The following LFNG variants were observed in gnomAD, a reference collection of about 807,000 sequenced individuals.
The protein encoded by LFNG is LFNG O-fucosylpeptide 3-beta-N-acetylglucosaminyltransferase, also known as beta-1,3-N-acetylglucosaminyltransferase lunatic fringe.
LFNG carries 15 observed loss-of-function variants against 32.7 expected under a neutral mutation model. That is an observed-to-expected ratio of 0.46 (90% CI 0.31 to 0.71). LFNG has a LOEUF of 0.71. LFNG is among the 30% of genes least tolerant of loss of function. The pLI is 0.06. For synonymous variants in LFNG, 274 were observed against 246.8 expected (o/e 1.11, Z -1.03); for missense variants, 520 against 545.7 (o/e 0.95, Z 0.47).
chr7:2,528,221 C>T lies in LFNG; in HGVS notation c.*1009C>T. 1 of 985,956 alleles carries T rather than the reference C, an allele frequency of 1.0e-6. No individual in the cohort carries two copies. Among genetic ancestry groups the T allele is most frequent in the Non-Finnish European group, 1.2e-6 (1 of 829,992 alleles). The allele number at this position is 985,956 out of a possible 1,614,324, so 61.1% of individuals were successfully genotyped here. A position where few individuals can be genotyped will look rare whatever the true frequency, so the allele number is the denominator to read the frequency against. ...TTATGCGTTCCAGCATCTGGAACCT[C>T]CCATCCCTGCCCTCCTCCTGTGTAG... On this transcript the variant is annotated 3_prime_UTR_variant, in exon 8 of 8. Coordinates refer to ENST00000222725, the MANE Select transcript of LFNG (RefSeq NM_001040167.2).
chr7:2,528,230 G>A lies in LFNG; in HGVS notation c.*1018G>A, dbSNP rs1476317826. The A allele has an allele frequency of 4.1e-6, 4 of 985,788 alleles. No individual in the cohort carries two copies. Among genetic ancestry groups the A allele is most frequent in the Non-Finnish European group, 4.8e-6 (4 of 829,984 alleles). 61.1% of individuals were successfully genotyped at this position (985,788 alleles called of 1,614,324 possible). A position where few individuals can be genotyped will look rare whatever the true frequency, so the allele number is the denominator to read the frequency against. On this transcript the variant is annotated 3_prime_UTR_variant, in exon 8 of 8. Transcript: ENST00000222725. Reference sequence around the variant, plus strand: ...CCAGCATCTGGAACCTCCCATCCCTGCCCTCCTCCTGTGTAGCTGCCACCT... The same window carrying A: ...CCAGCATCTGGAACCTCCCATCCCTACCCTCCTCCTGTGTAGCTGCCACCT...
chr7:2,518,148 G>C (rs1779675264), upstream of LFNG, among the ~76,000 whole-genome samples: 1 of 152,198 alleles, frequency 6.6e-6, no homozygotes, highest in South Asian at 2.1e-4. Flanking sequence ...ACTTTGTGGG[G>C]GCAGCCAACC....
downstream of LFNG, among the ~76,000 whole-genome samples, chr7:2,528,588 G>T (rs991346895): frequency 3.9e-5 from 6 of 152,186 alleles, no homozygotes; most frequent in African/African-American, 9.7e-5. Flanking sequence ...AACGAAACCT[G>T]GCGTCACTAT....
intron 1 of LFNG, among the ~76,000 whole-genome samples, chr7:2,521,780 C>T (rs1487499819): frequency 6.6e-6 from 1 of 152,220 alleles, no homozygotes; most frequent in Non-Finnish European, 1.5e-5. Flanking sequence ...GACCTGGGGC[C>T]TCTCAGACCC....
In LFNG at chr7:2,519,789, C is replaced by G. The variant is rs921355277; in HGVS notation, c.-73C>G. 8.8e-6 allele frequency: 8 copies of G among 906,430 alleles called. No homozygotes were observed. In the African/African-American group the frequency reaches 1.1e-4, roughly 12 times the overall value. 56.1% of individuals were successfully genotyped at this position (906,430 alleles called of 1,614,324 possible). A position where few individuals can be genotyped will look rare whatever the true frequency, so the allele number is the denominator to read the frequency against. Reference sequence around the variant, plus strand: ...GTGCTGCGCTGCTGGACTGCGCCGCCGGAGCGACGGGCTTCGGGTCGGTGC... The same window carrying G: ...GTGCTGCGCTGCTGGACTGCGCCGCGGGAGCGACGGGCTTCGGGTCGGTGC... On this transcript the variant is annotated 5_prime_UTR_variant, in exon 1 of 8. Transcript: ENST00000222725.
chr7:2,514,184 G>A (rs947066288), upstream of LFNG, among the ~76,000 whole-genome samples: 59 of 152,228 alleles, frequency 3.9e-4, no homozygotes, highest in African/African-American at 1.2e-3. Context: ...AGAGGCCAGC[G>A]GCAGCCCTGC....
upstream of LFNG, chr7:2,518,674 C>T: frequency 6.4e-7 from 1 of 1,558,976 alleles, no homozygotes; most frequent in Non-Finnish European, 8.7e-7. Context: ...CCGAGGGGGG[C>T]AGTTTAGCCA....
upstream of LFNG, among the ~76,000 whole-genome samples, chr7:2,515,280 G>T (rs552338322): frequency 7.2e-6 from 1 of 138,882 alleles, no homozygotes; most frequent in South Asian, 2.4e-4. Flanking sequence ...CCATCCATCT[G>T]TATGTCCATT....
In LFNG at chr7:2,526,766, T is replaced by C; in HGVS notation, c.988-70T>C. The C allele has an allele frequency of 1.1e-5, 16 of 1,459,666 alleles. No homozygotes were observed. Among genetic ancestry groups the C allele is most frequent in the Non-Finnish European group, 1.9e-6 (2 of 1,044,218 alleles). 90.4% of individuals were successfully genotyped at this position (1,459,666 alleles called of 1,614,324 possible). On this transcript the variant is annotated intron_variant, in intron 6 of 7. Coordinates refer to ENST00000222725, the MANE Select transcript of LFNG (RefSeq NM_001040167.2). This position sits in a 1 kb window ranked among gnomAD's most constrained non-coding sequence, Gnocchi z 6.9. The stretch of plus-strand genomic sequence containing the variant: ...AGGGCCGTTGCCTCACTCAGGGCTG[T>C]GTGGCCAGCCTGGGGCGGGGCCCAG...
At chr7:2,513,723 C>T (rs960952944), upstream of LFNG, among the ~76,000 whole-genome samples, 14 of 152,236 alleles carry the variant, frequency 9.2e-5, no homozygotes, top group African/African-American at 2.9e-4. Context: ...AGACAAAGGC[C>T]GGCTGGGGCA....
In LFNG at chr7:2,525,329, C is replaced by T. The variant is rs985346099; in HGVS notation, c.581+11C>T. Reference sequence around the variant, plus strand: ...CGAGTCCGGCAGGAAGTGAGTGTGGCCCCGGGGGACCCCCATCTCCCTGCC... The same window carrying T: ...CGAGTCCGGCAGGAAGTGAGTGTGGTCCCGGGGGACCCCCATCTCCCTGCC... On this transcript the variant is annotated intron_variant, in intron 3 of 7. Transcript: ENST00000222725. 10 of 1,612,328 alleles carry T rather than the reference C, an allele frequency of 6.2e-6. No individual in the cohort carries two copies. Among genetic ancestry groups the T allele is most frequent in the East Asian group, 2.2e-5 (1 of 44,850 alleles).
At chr7:2,518,272 T>C (rs577912370), upstream of LFNG, among the ~76,000 whole-genome samples, 248 of 152,198 alleles carry the variant, frequency 1.6e-3, 2 homozygotes, top group Non-Finnish European at 1.2e-3. Context: ...GGTGACGCCA[T>C]GGGAGACTTG....
At chr7:2,523,013 A>G (rs1779837160) in intron 1 of LFNG, among the ~76,000 whole-genome samples, 1 of 152,190 alleles carries the variant, frequency 6.6e-6, no homozygotes, top group African/African-American at 2.4e-5. Flanking sequence ...CCGCCTTCTC[A>G]GATGCTGTTC....
In LFNG at chr7:2,525,667, CCTT is replaced by C. The variant is rs750925231; in HGVS notation, c.736-15_736-13del. Reference sequence around the variant, plus strand: ...GCAGCAGCGCCTGGGTCTCAGGACACCTTCTCCCTTCTCCCAGCGTCCTGTCCA... The same window carrying C: ...GCAGCAGCGCCTGGGTCTCAGGACACCTCCCTTCTCCCAGCGTCCTGTCCA... On this transcript the variant is annotated splice_polypyrimidine_tract_variant and intron_variant, in intron 4 of 7. Coordinates refer to ENST00000222725, the MANE Select transcript of LFNG (RefSeq NM_001040167.2). 4.1e-5 allele frequency: 66 copies of C among 1,612,316 alleles called. No individual in the cohort carries two copies. The highest frequency in any genetic ancestry group is 5.3e-5 in the Non-Finnish European group (63 of 1,179,378).
chr7:2,512,773 C>A lies in LFNG; in HGVS notation c.47+72C>A, dbSNP rs1779525074. The A allele has an allele frequency of 2.2e-6, 3 of 1,370,014 alleles. No homozygotes were observed. In the Admixed American group the frequency reaches 5.2e-5, roughly 24 times the overall value. 84.9% of individuals were successfully genotyped at this position (1,370,014 alleles called of 1,614,324 possible). On this transcript the variant is annotated intron_variant, in intron 1 of 8. Coordinates refer to the LFNG transcript ENST00000402506. ...TCCCTCTTGCTCGTGAACCTGGAGC[C>A]CCCTATGTCTCCCCCAGTACCCCTG...
chr7:2,515,429 T>C (rs1004379413), upstream of LFNG, among the ~76,000 whole-genome samples: 1 of 151,974 alleles, frequency 6.6e-6, no homozygotes, highest in Non-Finnish European at 1.5e-5. Flanking sequence ...AGCACCAGGA[T>C]GGGGGTAGCA....
chr7:2,513,121 AC>A, upstream of LFNG: 2 of 1,608,972 alleles, frequency 1.2e-6, no homozygotes, highest in Non-Finnish European at 1.7e-6. Context: ...CATTTTTCTA[AC>A]CCCTGTTGAA....
rs1779752729 is a variant in LFNG at position 2,520,230 on chromosome 7, A to C, written c.369A>C (p.Lys123Asn). Reference protein sequence around the residue: ...RDVFIAVKTTKKFHRARLDLL... With the variant: ...RDVFIAVKTTNKFHRARLDLL... ...TCTTCATCGCTGTCAAGACCACCAA[A>C]AAGTTCCACCGCGCGCGCCTCGACC... is the stretch of plus-strand genomic sequence containing the variant. The change falls in exon 1 of 8, where the codon AAA (lysine) becomes AAC (asparagine). Residue 123 changes from lysine to asparagine, a missense_variant. Around this residue, in one of 3 missense-constraint regions of LFNG, gnomAD observed 360 missense variants for 354.7 expected, o/e 1.01. Transcript: ENST00000222725. This position sits in a 1 kb window ranked among gnomAD's most constrained non-coding sequence, Gnocchi z 5.0. 3 of 1,607,334 alleles carry C rather than the reference A, an allele frequency of 1.9e-6. No homozygotes were observed. In the African/African-American group the frequency reaches 4.1e-5, roughly 22 times the overall value.
chr7:2,523,198 C>T (rs1299306631), intron 1 of LFNG, among the ~76,000 whole-genome samples: 1 of 152,230 alleles, frequency 6.6e-6, no homozygotes, highest in East Asian at 1.9e-4. Flanking sequence ...GGCTGGCCCT[C>T]CGCCTCCCAC....
Sources: gnomAD v4.1 joint callset for allele counts (sites outside exome capture counted in the v4.1 genomes callset) on GRCh38, gnomAD v4.1.1 for gene constraint, gnomAD v4.1.1 regional missense constraint, Gnocchi (gnomAD v3.1) non-coding constraint, MANE v1.5 for transcripts, NCBI Gene and HGNC (gene_info 2026-07-23, HGNC 2026-07-21) for gene names.